RGS7: variants seen among roughly 807,000 people sequenced by gnomAD.
RGS7 encodes regulator of G protein signaling 7.
In RGS7, 27 loss-of-function variants were observed where a neutral mutation model predicts 81.1. That is an observed-to-expected ratio of 0.33 (90% CI 0.25 to 0.46). The LOEUF (loss-of-function observed/expected upper bound fraction) is 0.46. Among genes scored for constraint, RGS7 ranks in the 20% least tolerant of loss-of-function variants. The probability of loss-of-function intolerance (pLI) is 1.00; values close to 1 mark genes in which losing one functional copy is unlikely to be tolerated. For missense variants in RGS7, 396 were observed against 607.4 expected (o/e 0.65, Z 3.66); for synonymous variants, 208 against 207.7 (o/e 1.00, Z -0.01).
intron 3 of RGS7, among the ~76,000 whole-genome samples, chr1:240,987,361 T>C (rs1415380449): frequency 6.6e-6 from 1 of 152,178 alleles, no homozygotes; most frequent in Admixed American, 6.5e-5. Context: ...ACGCTGACCT[T>C]TGCAATGTTT....
intron 2 of RGS7, among the ~76,000 whole-genome samples, chr1:241,146,318 T>C (rs566685395): frequency 7.9e-5 from 12 of 152,336 alleles, no homozygotes; most frequent in East Asian, 3.9e-4. Context: ...CTAGAGATGA[T>C]TTAAAGTATA....
Position 240,993,798 on chromosome 1 carries a change from C to T in RGS7, c.176-10669G>A, listed in dbSNP as rs1686877269. 2.0e-5 allele frequency among the ~76,000 whole-genome samples: 3 copies of T among 152,030 alleles called. No homozygotes were observed. The South Asian group carries it at 6.2e-4, about 31-fold the overall frequency. ...AGACCAAGATATCCAATAATTTCTC[C>T]TACTATTTTCCTAAATTTTTTTTGT... On this transcript the variant is annotated intron_variant, in intron 3 of 18. Coordinates refer to ENST00000440928, the MANE Select transcript of RGS7 (RefSeq NM_001364886.1).
chr1:240,789,585 G>T (rs923881464), intron 18 of RGS7, among the ~76,000 whole-genome samples: 2 of 152,212 alleles, frequency 1.3e-5, no homozygotes, highest in African/African-American at 4.8e-5. Flanking sequence ...TTTGGGGATG[G>T]CTATCTTTTA....
intron 3 of RGS7, among the ~76,000 whole-genome samples, chr1:241,002,463 A>C (rs1392072413): frequency 6.6e-6 from 1 of 152,114 alleles, no homozygotes; most frequent in Non-Finnish European, 1.5e-5. Context: ...CAAAAAAAAA[A>C]AAAAAATGGT....
intron 2 of RGS7, among the ~76,000 whole-genome samples, chr1:241,352,649 C>T (rs933122980): frequency 6.6e-6 from 1 of 152,176 alleles, no homozygotes; most frequent in Admixed American, 6.5e-5. Context: ...TCACCTGTAC[C>T]CTTCAATAGG....
chr1:241,293,713 G>A (rs2079220723), intron 2 of RGS7, among the ~76,000 whole-genome samples: 1 of 152,206 alleles, frequency 6.6e-6, no homozygotes, highest in Non-Finnish European at 1.5e-5. Context: ...CTGGTCATTA[G>A]AGAAATGCAC....
intron 5 of RGS7, among the ~76,000 whole-genome samples, chr1:240,936,032 C>A (rs1419330704): frequency 6.6e-6 from 1 of 152,134 alleles, no homozygotes; most frequent in Non-Finnish European, 1.5e-5. Context: ...ACAATCATTG[C>A]CAGAAAGAAT....
At position 241,144,439 on chromosome 1, in the gene RGS7, C is replaced by T. The variant is rs564607797; in HGVS notation, c.79-45677G>A. Among the ~76,000 whole-genome samples the T allele has an allele frequency of 1.3e-5, 2 of 152,282 alleles. No homozygotes were observed. The highest frequency in any genetic ancestry group is 4.8e-5 in the African/African-American group (2 of 41,556). On this transcript the variant is annotated intron_variant, in intron 2 of 18. Coordinates refer to ENST00000440928, the MANE Select transcript of RGS7 (RefSeq NM_001364886.1). This position sits in a 1 kb window ranked among gnomAD's most constrained non-coding sequence, Gnocchi z 4.7. The stretch of plus-strand genomic sequence containing the variant: ...CAAAAACCTGATCCATTATTACTTA[C>T]TGCGGTTCACGGAAGCAGCTTTGTA...
intron 2 of RGS7, among the ~76,000 whole-genome samples, chr1:241,354,597 C>T (rs1382762289): frequency 1.3e-5 from 2 of 152,184 alleles, no homozygotes; most frequent in African/African-American, 2.4e-5. Context: ...TTCTGGGCTA[C>T]ACGGATGAAA....
chr1:240,784,472 C>G (rs1684697868), intron 18 of RGS7, among the ~76,000 whole-genome samples: 1 of 150,420 alleles, frequency 6.6e-6, no homozygotes, highest in Non-Finnish European at 1.5e-5. Flanking sequence ...AACCTCGTCT[C>G]TACAAAAAAA....
intron 9 of RGS7, among the ~76,000 whole-genome samples, chr1:240,840,359 C>T (rs897613339): frequency 2.0e-5 from 3 of 152,118 alleles, no homozygotes; most frequent in South Asian, 2.1e-4. Flanking sequence ...CTGCAACTTC[C>T]GCCTCCTGGG....
chr1:240,910,124 T>C (rs1671501894), intron 6 of RGS7, among the ~76,000 whole-genome samples: 1 of 152,142 alleles, frequency 6.6e-6, no homozygotes, highest in Non-Finnish European at 1.5e-5. Flanking sequence ...ATTTCGAACA[T>C]TTTTTTAAGG....
chr1:241,097,674 A>G (rs1467664747), intron 3 of RGS7, among the ~76,000 whole-genome samples: 1 of 151,906 alleles, frequency 6.6e-6, no homozygotes, highest in Non-Finnish European at 1.5e-5. Flanking sequence ...CTCTTTCCTA[A>G]GCTGTGCCAG....
chr1:241,215,855 T>G (rs2074518472), intron 2 of RGS7, among the ~76,000 whole-genome samples: 1 of 152,236 alleles, frequency 6.6e-6, no homozygotes, highest in Non-Finnish European at 1.5e-5. Context: ...GGCTTAATCT[T>G]ATACAAGCAC....
At chr1:240,982,200 A>G (rs1036817968) in intron 4 of RGS7, among the ~76,000 whole-genome samples, 2 of 151,996 alleles carry the variant, frequency 1.3e-5, no homozygotes, top group Non-Finnish European at 2.9e-5. Context: ...TGGGTGGATC[A>G]CCTGAGGTCA....
chr1:240,887,228 T>TGTTG (rs56882265), intron 6 of RGS7, among the ~76,000 whole-genome samples: 2 of 144,076 alleles, frequency 1.4e-5, no homozygotes, highest in South Asian at 2.1e-4. Flanking sequence ...GTATATAGGT[T>TGTTG]TTTTTTTTTT....
intron 6 of RGS7, among the ~76,000 whole-genome samples, chr1:240,905,290 T>C (rs1055276446): frequency 6.6e-6 from 1 of 152,212 alleles, no homozygotes; most frequent in Non-Finnish European, 1.5e-5. Context: ...CTTGTTAACA[T>C]GATATATGTC....
intron 18 of RGS7, among the ~76,000 whole-genome samples, chr1:240,780,107 CAT>C (rs1683713743): frequency 6.6e-6 from 1 of 152,124 alleles, no homozygotes. Context: ...ATTGTATACA[CAT>C]GTGCATATAT....
intron 2 of RGS7, among the ~76,000 whole-genome samples, chr1:241,162,686 C>T (rs978892135): frequency 1.3e-5 from 2 of 152,184 alleles, no homozygotes; most frequent in Non-Finnish European, 2.9e-5. Flanking sequence ...AAATTCTTTC[C>T]TTTGAAGAGG....
Sources: gnomAD v4.1 joint callset for allele counts (sites outside exome capture counted in the v4.1 genomes callset) on GRCh38, gnomAD v4.1.1 for gene constraint, Gnocchi (gnomAD v3.1) non-coding constraint, MANE v1.5 for transcripts, NCBI Gene and HGNC (gene_info 2026-07-23, HGNC 2026-07-21) for gene names.